Variants in CAMK1D observed in about 807,000 individuals in gnomAD.
The protein encoded by CAMK1D is calcium/calmodulin dependent protein kinase ID.
CAMK1D carries 9 observed loss-of-function variants against 47.7 expected under a neutral mutation model. The observed-to-expected ratio is 0.19, with a 90% CI of 0.11 to 0.33. The LOEUF is 0.33. Among genes scored for constraint, CAMK1D ranks in the 10% least tolerant of loss-of-function variants. The pLI is 1.00. For synonymous variants in CAMK1D, 184 were observed against 184.9 expected (o/e 0.99, Z 0.04); for missense variants, 291 against 488.7 (o/e 0.60, Z 3.81).
chr10:12,721,755 A>G (rs1040822114), intron 3 of CAMK1D, among the ~76,000 whole-genome samples: 1 of 152,150 alleles, frequency 6.6e-6, no homozygotes, highest in Non-Finnish European at 1.5e-5. Flanking sequence ...CTCGATGGGA[A>G]ATGACTAGGG....
At chr10:12,534,376 AT>A (rs904304722) in intron 1 of CAMK1D, among the ~76,000 whole-genome samples, 99 of 152,052 alleles carry the variant, frequency 6.5e-4, no homozygotes, top group African/African-American at 2.3e-3. Flanking sequence ...GACCCAGCTA[AT>A]TTTCTTTTAG....
rs188905392 is a variant in CAMK1D at position 12,796,027 on chromosome 10, A to G, written c.641+4794A>G. Among the ~76,000 whole-genome samples, 862 of 152,358 alleles carry G rather than the reference A, an allele frequency of 5.7e-3. 10 individuals are homozygous for G. The highest frequency in any genetic ancestry group is 0.019 in the African/African-American group (790 of 41,582). On this transcript the variant is annotated intron_variant, in intron 6 of 10. Coordinates refer to ENST00000619168, the MANE Select transcript of CAMK1D (RefSeq NM_153498.4). ...TTTCTCAGTCAAGATGAACCTCAGC[A>G]TCTCACAGATCAATCTTGATTCTGT...
At chr10:12,404,250 G>T (rs1328892625) in intron 1 of CAMK1D, among the ~76,000 whole-genome samples, 1 of 152,088 alleles carries the variant, frequency 6.6e-6, no homozygotes, top group Non-Finnish European at 1.5e-5. Context: ...TCTCCATATT[G>T]GTTGGGCTGG....
intron 1 of CAMK1D, among the ~76,000 whole-genome samples, chr10:12,549,038 T>C (rs912242057): frequency 2.0e-5 from 3 of 152,030 alleles, no homozygotes; most frequent in Non-Finnish European, 4.4e-5. Context: ...ATATTTTTAG[T>C]AGAGATGGGG....
At chr10:12,768,223 A>C (rs1051802477) in intron 4 of CAMK1D, among the ~76,000 whole-genome samples, 3 of 152,176 alleles carry the variant, frequency 2.0e-5, no homozygotes, top group Non-Finnish European at 2.9e-5. Flanking sequence ...CTTACTGGCG[A>C]ATCATGAGGG....
chr10:12,458,184 G>A (rs1344579541), intron 1 of CAMK1D, among the ~76,000 whole-genome samples: 1 of 152,212 alleles, frequency 6.6e-6, no homozygotes, highest in African/African-American at 2.4e-5. Flanking sequence ...ACTGTCTGCT[G>A]TTGCACATGC....
At chr10:12,616,032 T>G (rs899530702) in intron 2 of CAMK1D, among the ~76,000 whole-genome samples, 1 of 148,234 alleles carries the variant, frequency 6.7e-6, no homozygotes, top group Non-Finnish European at 1.5e-5. Flanking sequence ...GCTGTGTGTG[T>G]GGGTGTGTGA....
At chr10:12,552,932 G>C (rs573300814) in intron 1 of CAMK1D, among the ~76,000 whole-genome samples, 1 of 152,066 alleles carries the variant, frequency 6.6e-6, no homozygotes, top group African/African-American at 2.4e-5. Flanking sequence ...TAGTAGAGAC[G>C]GGGTTTCATC....
chr10:12,463,933 TGAA>T (rs1440421040), intron 1 of CAMK1D, among the ~76,000 whole-genome samples: 3 of 152,174 alleles, frequency 2.0e-5, no homozygotes, highest in Non-Finnish European at 4.4e-5. Flanking sequence ...TGCCGCCTTG[TGAA>T]GAAGATGCCT....
chr10:12,349,681 A>G lies in CAMK1D; in HGVS notation c.-138A>G, dbSNP rs1255690060. Reference sequence around the variant, plus strand: ...CCGCGGCGGCGGCGGCGAGAGCGAAAGAGGAAACTGCAGAGGAGGAAGCTG... The same window carrying G: ...CCGCGGCGGCGGCGGCGAGAGCGAAGGAGGAAACTGCAGAGGAGGAAGCTG... On this transcript the variant is annotated 5_prime_UTR_variant, in exon 1 of 11. Coordinates refer to ENST00000619168, the MANE Select transcript of CAMK1D (RefSeq NM_153498.4). 1 of 166,482 alleles carries G rather than the reference A, an allele frequency of 6.0e-6. No homozygotes were observed. The highest frequency in any genetic ancestry group is 1.3e-5 in the Non-Finnish European group (1 of 77,632). 10.3% of individuals were successfully genotyped at this position (166,482 alleles called of 1,614,324 possible). A position where few individuals can be genotyped will look rare whatever the true frequency, so the allele number is the denominator to read the frequency against.
At chr10:12,526,897 C>CAAAAA (rs202209844) in intron 1 of CAMK1D, among the ~76,000 whole-genome samples, 3,533 of 129,722 alleles carry the variant, frequency 0.027, 116 homozygotes, top group South Asian at 0.066. Flanking sequence ...AACCCTATCT[C>CAAAAA]AAAAAAAAAA....
chr10:12,624,067 A>T (rs1408714682), intron 2 of CAMK1D, among the ~76,000 whole-genome samples: 1 of 152,196 alleles, frequency 6.6e-6, no homozygotes, highest in Admixed American at 6.5e-5. Flanking sequence ...TGACAGATTG[A>T]GACTCTGTCT....
At chr10:12,736,020 G>A (rs1835171459) in intron 3 of CAMK1D, among the ~76,000 whole-genome samples, 1 of 152,234 alleles carries the variant, frequency 6.6e-6, no homozygotes, top group Non-Finnish European at 1.5e-5. Context: ...CTGGCTGCAA[G>A]GCCTTGCTGG....
At chr10:12,778,548 A>G (rs1837364850) in intron 5 of CAMK1D, among the ~76,000 whole-genome samples, 1 of 152,174 alleles carries the variant, frequency 6.6e-6, no homozygotes, top group Non-Finnish European at 1.5e-5. Context: ...ACACAGATTC[A>G]TGTGAGGCAG....
chr10:12,805,035 C>T (rs373469275), intron 6 of CAMK1D, among the ~76,000 whole-genome samples: 5 of 150,764 alleles, frequency 3.3e-5, no homozygotes, highest in African/African-American at 9.7e-5. Flanking sequence ...CCGATGTAGG[C>T]GGATCACGAG....
chr10:12,651,935 C>T (rs375494599), intron 2 of CAMK1D, among the ~76,000 whole-genome samples: 10 of 151,906 alleles, frequency 6.6e-5, no homozygotes, highest in Admixed American at 2.6e-4. Flanking sequence ...CCCGCCACCA[C>T]GCCCCGCTAA....
At chr10:12,628,403 G>T (rs1781552116) in intron 2 of CAMK1D, among the ~76,000 whole-genome samples, 1 of 152,140 alleles carries the variant, frequency 6.6e-6, no homozygotes, top group African/African-American at 2.4e-5. Context: ...CTGTGTGTGT[G>T]TCTAATTAAT....
intron 1 of CAMK1D, among the ~76,000 whole-genome samples, chr10:12,380,977 G>A (rs1014171369): frequency 6.6e-6 from 1 of 152,238 alleles, no homozygotes; most frequent in African/African-American, 2.4e-5. Flanking sequence ...AAAATGAATG[G>A]TTTGAGGTTG....
chr10:12,387,649 G>C (rs1246286923), intron 1 of CAMK1D, among the ~76,000 whole-genome samples: 1 of 149,426 alleles, frequency 6.7e-6, no homozygotes, highest in Non-Finnish European at 1.5e-5. Flanking sequence ...TGGAACCCTG[G>C]CTAATTTTTG....
Sources: allele counts gnomAD v4.1 joint callset (sites outside exome capture counted in the v4.1 genomes callset), GRCh38; gene constraint gnomAD v4.1.1; transcripts MANE v1.5; gene names NCBI Gene and HGNC (gene_info 2026-07-23, HGNC 2026-07-21).